The following SLC2A13 variants were observed in gnomAD, a reference collection of about 807,000 sequenced individuals.
The protein encoded by SLC2A13 is proton myo-inositol cotransporter.
A neutral mutation model predicts 64.4 loss-of-function variants in SLC2A13; 32 were observed. The ratio of observed to expected loss-of-function variants is 0.50; its 90% CI spans 0.37 to 0.67. SLC2A13 has a LOEUF of 0.67. SLC2A13 is among the 30% of genes least tolerant of loss of function. SLC2A13 has a pLI of 0.00. For missense variants in SLC2A13, 743 were observed against 829.2 expected, an observed-to-expected ratio of 0.90 and a Z score of 1.28; for synonymous variants, 338 against 327.1, an observed-to-expected ratio of 1.03 and a Z score of -0.36.
At chr12:39,973,414 G>A (rs1158251897) in intron 3 of SLC2A13, among the ~76,000 whole-genome samples, 1 of 152,114 alleles carries the variant, frequency 6.6e-6, no homozygotes, top group Non-Finnish European at 1.5e-5. Flanking sequence ...ACTTTGGAAT[G>A]CCCCAGAGCC....
Position 39,878,227 on chromosome 12 carries a change from CA to C in SLC2A13, c.1035-6267del, listed in dbSNP as rs1944242274. On this transcript the variant is annotated intron_variant, in intron 4 of 9. Transcript: ENST00000280871. ...ACAGCCTAATACAGAAAGTTGATAC[CA>C]GGGGTGAAGCATTGCTATAAAAATA... is the stretch of plus-strand genomic sequence containing the variant. 3.9e-5 allele frequency among the ~76,000 whole-genome samples: 6 copies of C among 152,126 alleles called. No homozygotes were observed. In the South Asian group the frequency reaches 6.2e-4, roughly 16 times the overall value.
chr12:39,770,993 C>T lies in SLC2A13; in HGVS notation c.1446-6135G>A, dbSNP rs180724258. Among the ~76,000 whole-genome samples the T allele has an allele frequency of 4.9e-3, 740 of 152,238 alleles. 7 individuals are homozygous for T. Among genetic ancestry groups the T allele is most frequent in the Non-Finnish European group, 4.2e-3 (283 of 67,998 alleles). The stretch of plus-strand genomic sequence containing the variant: ...CTGTGAAATAAGGATTTTCCTGGTA[C>T]CTACCTCAAAAGGCTATTTTGATGC... On this transcript the variant is annotated intron_variant, in intron 7 of 9. Coordinates refer to ENST00000280871, the MANE Select transcript of SLC2A13 (RefSeq NM_052885.4).
At chr12:40,063,199 A>G (rs1309120444) in intron 1 of SLC2A13, among the ~76,000 whole-genome samples, 1 of 152,154 alleles carries the variant, frequency 6.6e-6, no homozygotes, top group Non-Finnish European at 1.5e-5. Flanking sequence ...ATACATTTCA[A>G]TAACTAAAAA....
intron 3 of SLC2A13, among the ~76,000 whole-genome samples, chr12:39,955,599 T>G (rs1296832210): frequency 6.6e-6 from 1 of 152,124 alleles, no homozygotes; most frequent in East Asian, 1.9e-4. Flanking sequence ...CATATTCACA[T>G]CCTAATCCCT....
At chr12:39,916,926 T>C (rs767101146) in intron 4 of SLC2A13, among the ~76,000 whole-genome samples, 9 of 152,088 alleles carry the variant, frequency 5.9e-5, no homozygotes, top group Non-Finnish European at 8.8e-5. Flanking sequence ...AAAACAGAGC[T>C]TCAGTCCTTC....
At chr12:40,012,297 G>T (rs541912044) in intron 3 of SLC2A13, among the ~76,000 whole-genome samples, 1 of 152,136 alleles carries the variant, frequency 6.6e-6, no homozygotes. Flanking sequence ...TTTATTAGTA[G>T]CATCTGTCTC....
rs73092122 is a variant in SLC2A13 at position 39,805,565 on chromosome 12, T to A, written c.1445+24538A>T. Among the ~76,000 whole-genome samples, 742 of 149,382 alleles carry A rather than the reference T, an allele frequency of 5.0e-3. 5 individuals are homozygous for A. The highest frequency in any genetic ancestry group is 0.011 in the Admixed American group (167 of 15,132). On this transcript the variant is annotated intron_variant, in intron 7 of 9. Transcript: ENST00000280871. ...ATTCCCATAGGCCTGAAACAGTGTATTTAAAAACTGATCTATTATATTTAA... is the reference window on the plus strand; with the variant it reads ...ATTCCCATAGGCCTGAAACAGTGTAATTAAAAACTGATCTATTATATTTAA...
intron 4 of SLC2A13, among the ~76,000 whole-genome samples, chr12:39,885,741 T>C (rs970373241): frequency 2.0e-5 from 3 of 152,130 alleles, no homozygotes; most frequent in Non-Finnish European, 4.4e-5. Flanking sequence ...GCTAAAACAT[T>C]TAGAGCAACA....
At chr12:40,021,935 A>G (rs185067921) in intron 3 of SLC2A13, among the ~76,000 whole-genome samples, 12 of 152,284 alleles carry the variant, frequency 7.9e-5, no homozygotes. Flanking sequence ...CTCTCTGCAG[A>G]ATATGATTTG....
intron 3 of SLC2A13, among the ~76,000 whole-genome samples, chr12:39,956,289 T>C (rs1335175065): frequency 6.6e-6 from 1 of 152,158 alleles, no homozygotes; most frequent in Admixed American, 6.5e-5. Flanking sequence ...AGCAGATCAA[T>C]GGTTGCCTGT....
intron 3 of SLC2A13, among the ~76,000 whole-genome samples, chr12:39,978,811 G>A (rs1946822357): frequency 6.6e-6 from 1 of 152,058 alleles, no homozygotes; most frequent in South Asian, 2.1e-4. Flanking sequence ...CGAACTGGGT[G>A]GAGCCCACCA....
At chr12:40,004,005 A>G (rs917008277) in intron 3 of SLC2A13, among the ~76,000 whole-genome samples, 7 of 152,034 alleles carry the variant, frequency 4.6e-5, no homozygotes, top group Non-Finnish European at 1.0e-4. Context: ...AAAACAAAAC[A>G]AAACAAAAAA....
intron 3 of SLC2A13, among the ~76,000 whole-genome samples, chr12:39,959,404 ATGC>A (rs1946371210): frequency 1.3e-5 from 2 of 152,206 alleles, no homozygotes; most frequent in Admixed American, 1.3e-4. Flanking sequence ...TTGTCTATAG[ATGC>A]GTGCTTGTAA....
intron 3 of SLC2A13, among the ~76,000 whole-genome samples, chr12:39,971,849 C>T (rs1946650688): frequency 1.3e-5 from 2 of 150,952 alleles, no homozygotes; most frequent in Admixed American, 1.3e-4. Context: ...TTGGTTTGCG[C>T]CTGTAATCCC....
chr12:39,890,322 G>GA (rs917333802), intron 4 of SLC2A13, among the ~76,000 whole-genome samples: 22 of 151,734 alleles, frequency 1.4e-4, no homozygotes, highest in South Asian at 2.1e-4. Context: ...TTATAAAACT[G>GA]AAAAAAAATA....
intron 7 of SLC2A13, among the ~76,000 whole-genome samples, chr12:39,797,117 T>C (rs565472341): frequency 6.6e-6 from 1 of 152,342 alleles, no homozygotes; most frequent in Admixed American, 6.5e-5. Flanking sequence ...TACTGGTTAA[T>C]GAAAACTATT....
At chr12:39,790,641 C>T (rs1429316383) in intron 7 of SLC2A13, among the ~76,000 whole-genome samples, 1 of 123,750 alleles carries the variant, frequency 8.1e-6, no homozygotes, top group African/African-American at 3.1e-5. Flanking sequence ...TGGGTTGGTT[C>T]CAAGTCTTTG....
intron 4 of SLC2A13, among the ~76,000 whole-genome samples, chr12:39,933,178 G>A (rs940311246): frequency 6.6e-6 from 1 of 152,208 alleles, no homozygotes; most frequent in African/African-American, 2.4e-5. Flanking sequence ...ACAGTCAGCT[G>A]AGATGGCACC....
intron 6 of SLC2A13, among the ~76,000 whole-genome samples, chr12:39,839,279 C>G (rs902109853): frequency 6.6e-6 from 1 of 152,022 alleles, no homozygotes; most frequent in Non-Finnish European, 1.5e-5. Flanking sequence ...AACTCTGGAA[C>G]ACCTGCCTTC....
Sources: allele counts gnomAD v4.1 joint callset (sites outside exome capture counted in the v4.1 genomes callset), GRCh38; gene constraint gnomAD v4.1.1; transcripts MANE v1.5; gene names NCBI Gene and HGNC (gene_info 2026-07-23, HGNC 2026-07-21).